The following WDR41 variants were observed in gnomAD, a reference collection of about 807,000 sequenced individuals.
The protein encoded by WDR41 is WD repeat-containing protein 41.
WDR41 carries 63 observed loss-of-function variants against 69.3 expected under a neutral mutation model. That is an observed-to-expected ratio of 0.91 (90% CI 0.74 to 1.12). The LOEUF is 1.12. WDR41 is among the 50% of genes most tolerant of loss of function. The probability of loss-of-function intolerance (pLI) is 0.00; values close to 1 mark genes in which losing one functional copy is unlikely to be tolerated. For synonymous variants in WDR41, 185 were observed against 192.1 expected (o/e 0.96, Z 0.31); for missense variants, 543 against 534.5 (o/e 1.02, Z -0.16).
chr5:77,575,667 G>A (rs530170186), intron 1 of WDR41, among the ~76,000 whole-genome samples: 157 of 152,176 alleles, frequency 1.0e-3, no homozygotes, highest in Non-Finnish European at 1.8e-3. Flanking sequence ...TGTGCAACCT[G>A]TTCACCCCCA....
At chr5:77,469,681 G>A (rs890590746) in intron 2 of WDR41, among the ~76,000 whole-genome samples, 11 of 152,116 alleles carry the variant, frequency 7.2e-5, no homozygotes, top group African/African-American at 2.7e-4. Context: ...AAGGGTATCA[G>A]TGATGGAAGA....
rs973706779 is a variant in WDR41, at chr5:77,432,851, C to T, written c.*284G>A. The T allele has an allele frequency of 5.3e-5, 14 of 263,700 alleles. No individual in the cohort carries two copies. Among genetic ancestry groups the T allele is most frequent in the African/African-American group, 3.1e-4 (14 of 45,468 alleles). 16.3% of individuals were successfully genotyped at this position (263,700 alleles called of 1,614,324 possible). The stretch of plus-strand genomic sequence containing the variant: ...CTATTACCTCTATTTGTACCTTTCA[C>T]AAGGATCTAGGTTCAAAATAAGCTC... On this transcript the variant is annotated 3_prime_UTR_variant, in exon 13 of 13. Transcript: ENST00000296679.
At chr5:77,461,006 G>T (rs1252748188) in intron 4 of WDR41, among the ~76,000 whole-genome samples, 2 of 152,006 alleles carry the variant, frequency 1.3e-5, no homozygotes, top group Admixed American at 1.3e-4. Flanking sequence ...CAAAGGAAAT[G>T]AGTCCATACT....
intron 1 of WDR41, chr5:77,582,838 T>C (rs1743964348): frequency 3.1e-6 from 5 of 1,602,372 alleles, no homozygotes; most frequent in East Asian, 2.2e-5. Context: ...TGAACTAATC[T>C]ACAAGCGTGG....
intron 1 of WDR41, among the ~76,000 whole-genome samples, chr5:77,600,170 G>A (rs1366807836): frequency 6.6e-6 from 1 of 152,102 alleles, no homozygotes; most frequent in Non-Finnish European, 1.5e-5. Context: ...TGAAATTACT[G>A]ATCTATGTAC....
intron 12 of WDR41, among the ~76,000 whole-genome samples, chr5:77,433,714 G>A (rs1798820596): frequency 6.6e-6 from 1 of 151,814 alleles, no homozygotes; most frequent in South Asian, 2.1e-4. Context: ...TCAGCACTAC[G>A]TTTATGGTCC....
At chr5:77,556,142 T>C (rs1340948872) in intron 1 of WDR41, among the ~76,000 whole-genome samples, 1 of 145,750 alleles carries the variant, frequency 6.9e-6, no homozygotes, top group Non-Finnish European at 1.5e-5. Flanking sequence ...TCTCTCTCTG[T>C]TGCCAGGCTG....
intron 2 of WDR41, among the ~76,000 whole-genome samples, chr5:77,481,013 T>C (rs1245483543): frequency 6.6e-6 from 1 of 150,890 alleles, no homozygotes; most frequent in Non-Finnish European, 1.5e-5. Context: ...CAGACCCTTG[T>C]GGGTTTTCTG....
At chr5:77,546,100 G>T in intron 1 of WDR41, 1 of 523,994 alleles carries the variant, frequency 1.9e-6, no homozygotes. Context: ...ACTTCGGCAA[G>T]GCCACCTTTG....
chr5:77,579,511 T>C (rs1580023021), intron 1 of WDR41, among the ~76,000 whole-genome samples: 1 of 152,020 alleles, frequency 6.6e-6, no homozygotes, highest in African/African-American at 2.4e-5. Flanking sequence ...CATAAGATAG[T>C]AGAACAACAT....
At chr5:77,523,031 T>C (rs924354727) in intron 1 of WDR41, among the ~76,000 whole-genome samples, 2 of 152,126 alleles carry the variant, frequency 1.3e-5, no homozygotes, top group African/African-American at 4.8e-5. Context: ...TTTCAAAAGT[T>C]GGCCAGACGC....
intron 2 of WDR41, among the ~76,000 whole-genome samples, chr5:77,479,255 AT>A (rs890150595): frequency 5.3e-5 from 8 of 151,726 alleles, no homozygotes; most frequent in Non-Finnish European, 1.0e-4. Flanking sequence ...GCCCAAGGTA[AT>A]TTATAGATTC....
At chr5:77,523,448 G>A (rs75463173) in intron 1 of WDR41, among the ~76,000 whole-genome samples, 1,651 of 152,110 alleles carry the variant, frequency 0.011, 22 homozygotes, top group African/African-American at 0.037. Context: ...TACAAACAAA[G>A]GAGTAAAGGG....
At chr5:77,620,501 G>A (rs1197751385) in exon 1 of WDR41, 1 of 384,832 alleles carries the variant, frequency 2.6e-6, no homozygotes, top group Non-Finnish European at 5.0e-6. Flanking sequence ...CCCTGGACTT[G>A]AACAATTAGC....
intron 1 of WDR41, among the ~76,000 whole-genome samples, chr5:77,593,981 G>A (rs1744174855): frequency 6.6e-6 from 1 of 151,886 alleles, no homozygotes; most frequent in African/African-American, 2.4e-5. Flanking sequence ...AATAAGAAAG[G>A]GGGCAGGACT....
chr5:77,535,710 C>T (rs990073233), intron 1 of WDR41, among the ~76,000 whole-genome samples: 21 of 152,144 alleles, frequency 1.4e-4, no homozygotes, highest in Non-Finnish European at 2.9e-4. Context: ...TTTGTCTAGT[C>T]TTTCCCAGTC....
chr5:77,538,040 A>T (rs937812284), intron 1 of WDR41, among the ~76,000 whole-genome samples: 1 of 152,098 alleles, frequency 6.6e-6, no homozygotes, highest in Non-Finnish European at 1.5e-5. Flanking sequence ...CCACCACCCA[A>T]ATAATATACA....
intron 2 of WDR41, among the ~76,000 whole-genome samples, chr5:77,475,103 T>G (rs968164261): frequency 9.9e-5 from 15 of 152,164 alleles, no homozygotes; most frequent in African/African-American, 3.4e-4. Flanking sequence ...ACTGCGCTTT[T>G]CCGACGGGCT....
chr5:77,518,038 A>T (rs1378285049), intron 1 of WDR41, among the ~76,000 whole-genome samples: 1 of 152,112 alleles, frequency 6.6e-6, no homozygotes, highest in Non-Finnish European at 1.5e-5. Context: ...CCCTCAAAAA[A>T]AAGTGTTGCA....
Sources: allele counts gnomAD v4.1 joint callset (sites outside exome capture counted in the v4.1 genomes callset), GRCh38; gene constraint gnomAD v4.1.1; transcripts MANE v1.5; gene names NCBI Gene and HGNC (gene_info 2026-07-23, HGNC 2026-07-21).